The following MGAT4C variants were observed in gnomAD, a reference collection of about 807,000 sequenced individuals.
MGAT4C encodes the protein alpha-1,3-mannosyl-glycoprotein 4-beta-N-acetylglucosaminyltransferase C.
A neutral mutation model predicts 40.1 loss-of-function variants in MGAT4C; 19 were observed. The ratio of observed to expected loss-of-function variants is 0.47; its 90% CI spans 0.33 to 0.70. The LOEUF (loss-of-function observed/expected upper bound fraction) is 0.70, where lower values mean the gene tolerates loss of function less well. MGAT4C is among the 30% of genes least tolerant of loss of function. The pLI is 0.02. For synonymous variants in MGAT4C, 181 were observed against 187.1 expected, an observed-to-expected ratio of 0.97 and a Z score of 0.27; for missense variants, 491 against 563.2, an observed-to-expected ratio of 0.87 and a Z score of 1.30.
At chr12:86,044,263 T>C (rs761843923) in intron 2 of MGAT4C, among the ~76,000 whole-genome samples, 2 of 152,164 alleles carry the variant, frequency 1.3e-5, no homozygotes, top group Non-Finnish European at 2.9e-5. Context: ...GGCTGAGCTG[T>C]TTCCAGACTG....
intron 3 of MGAT4C, among the ~76,000 whole-genome samples, chr12:86,361,139 T>C (rs1955455543): frequency 6.6e-6 from 1 of 152,096 alleles, no homozygotes; most frequent in Admixed American, 6.6e-5. Context: ...AAAACAGAGA[T>C]ATAGACCAAT....
intron 2 of MGAT4C, among the ~76,000 whole-genome samples, chr12:86,614,692 G>A (rs567652512): frequency 1.9e-3 from 286 of 151,720 alleles, no homozygotes; most frequent in African/African-American, 6.5e-3. Flanking sequence ...TTAGGAAAAG[G>A]TAAACAAAAT....
intron 2 of MGAT4C, among the ~76,000 whole-genome samples, chr12:86,021,939 T>C (rs61931107): frequency 1.3e-5 from 2 of 152,108 alleles, no homozygotes; most frequent in Non-Finnish European, 2.9e-5. Context: ...ATAACAAATT[T>C]GGGTGGATTT....
intron 2 of MGAT4C, among the ~76,000 whole-genome samples, chr12:86,599,303 A>G (rs1961668494): frequency 6.6e-6 from 1 of 152,178 alleles, no homozygotes; most frequent in South Asian, 2.1e-4. Context: ...TTCCTGGCAG[A>G]TTAGATGCAT....
At chr12:86,817,584 A>T (rs1349527828) in intron 1 of MGAT4C, among the ~76,000 whole-genome samples, 1 of 151,526 alleles carries the variant, frequency 6.6e-6, no homozygotes, top group Non-Finnish European at 1.5e-5. Context: ...AAATAGGCCT[A>T]CTAGTTTGGT....
intron 1 of MGAT4C, among the ~76,000 whole-genome samples, chr12:86,208,375 G>A (rs1950342065): frequency 6.6e-6 from 1 of 152,202 alleles, no homozygotes; most frequent in Non-Finnish European, 1.5e-5. Context: ...GCTGAGTCAG[G>A]AGAATCGCTT....
chr12:86,528,455 C>T (rs890064086), intron 2 of MGAT4C, among the ~76,000 whole-genome samples: 1 of 151,884 alleles, frequency 6.6e-6, no homozygotes, highest in Middle Eastern at 3.2e-3. Context: ...TAAATATTAT[C>T]TTTCTTCTTC....
chr12:86,551,523 A>AC (rs1346036296), intron 2 of MGAT4C, among the ~76,000 whole-genome samples: 7 of 151,918 alleles, frequency 4.6e-5, no homozygotes, highest in Non-Finnish European at 1.0e-4. Flanking sequence ...TGGTTGAAAC[A>AC]CCCCCACATT....
intron 3 of MGAT4C, among the ~76,000 whole-genome samples, chr12:86,413,369 G>A (rs760117253): frequency 2.8e-4 from 43 of 152,168 alleles, no homozygotes; most frequent in Non-Finnish European, 5.7e-4. Context: ...ACAAGATGTT[G>A]AGCCTTAAGG....
chr12:86,789,358 C>G (rs1323570311), intron 1 of MGAT4C, among the ~76,000 whole-genome samples: 1 of 152,056 alleles, frequency 6.6e-6, no homozygotes, highest in Non-Finnish European at 1.5e-5. Flanking sequence ...ATATTTGCTT[C>G]AGCAAATAGG....
chr12:86,011,345 C>T (rs1226060260), intron 2 of MGAT4C, among the ~76,000 whole-genome samples: 2 of 152,146 alleles, frequency 1.3e-5, no homozygotes, highest in African/African-American at 4.8e-5. Flanking sequence ...ATTCTTATCT[C>T]AGAATTTCAT....
chr12:86,227,325 CA>C (rs1325027025), intron 1 of MGAT4C, among the ~76,000 whole-genome samples: 3 of 151,988 alleles, frequency 2.0e-5, no homozygotes, highest in Admixed American at 2.0e-4. Context: ...ATGTAGAATT[CA>C]AGCACTTTCC....
At chr12:86,042,674 G>A (rs1891975449) in intron 2 of MGAT4C, among the ~76,000 whole-genome samples, 1 of 151,794 alleles carries the variant, frequency 6.6e-6, no homozygotes, top group African/African-American at 2.4e-5. Context: ...GACCATCCTG[G>A]CTAACACGGT....
intron 1 of MGAT4C, among the ~76,000 whole-genome samples, chr12:86,805,579 G>T (rs2136209390): frequency 6.6e-6 from 1 of 152,056 alleles, no homozygotes; most frequent in African/African-American, 2.4e-5. Flanking sequence ...AGAATTCCAT[G>T]GTGTATATGT....
intron 2 of MGAT4C, among the ~76,000 whole-genome samples, chr12:85,999,835 G>C (rs918391042): frequency 6.6e-6 from 1 of 152,078 alleles, no homozygotes; most frequent in African/African-American, 2.4e-5. Flanking sequence ...ACTCGTAAAA[G>C]CAGAGAGTAG....
chr12:86,411,188 T>C (rs1956595770), intron 3 of MGAT4C, among the ~76,000 whole-genome samples: 1 of 152,196 alleles, frequency 6.6e-6, no homozygotes, highest in Non-Finnish European at 1.5e-5. Context: ...AGTTTTGTTA[T>C]AAAGATACCT....
chr12:85,995,689 G>A (rs1484284489), intron 2 of MGAT4C, among the ~76,000 whole-genome samples: 1 of 152,072 alleles, frequency 6.6e-6, no homozygotes, highest in Non-Finnish European at 1.5e-5. Context: ...GCAACATAGT[G>A]AGACCCCATC....
intron 2 of MGAT4C, among the ~76,000 whole-genome samples, chr12:86,575,510 G>C (rs1960526311): frequency 1.3e-5 from 2 of 151,824 alleles, no homozygotes; most frequent in South Asian, 4.1e-4. Context: ...ATGAGCTCCA[G>C]TTCTATCCAT....
At chr12:86,715,883 C>G (rs1316618826) in intron 2 of MGAT4C, among the ~76,000 whole-genome samples, 1 of 152,012 alleles carries the variant, frequency 6.6e-6, no homozygotes, top group Non-Finnish European at 1.5e-5. Flanking sequence ...ACTTTCAAAT[C>G]AAGTAGTTTT....
Sources: gnomAD v4.1 joint callset for allele counts (sites outside exome capture counted in the v4.1 genomes callset) on GRCh38, gnomAD v4.1.1 for gene constraint, MANE v1.5 for transcripts, NCBI Gene and HGNC (gene_info 2026-07-23, HGNC 2026-07-21) for gene names.